The following GPR158 variants were observed in gnomAD, a reference collection of about 807,000 sequenced individuals.
GPR158 encodes the protein metabotropic glycine receptor.
A neutral mutation model predicts 78.2 loss-of-function variants in GPR158; 30 were observed. That is an observed-to-expected ratio of 0.38 (90% CI 0.29 to 0.52). The LOEUF is 0.52. Among genes scored for constraint, GPR158 ranks in the 20% least tolerant of loss-of-function variants. GPR158 has a pLI of 0.83. For synonymous variants in GPR158, 581 were observed against 591.1 expected (o/e 0.98, Z 0.25); for missense variants, 1,463 against 1,523.5 (o/e 0.96, Z 0.66).
chr10:25,280,822 A>G (rs1474603182), intron 2 of GPR158, among the ~76,000 whole-genome samples: 2 of 152,132 alleles, frequency 1.3e-5, no homozygotes, highest in Admixed American at 1.3e-4. Context: ...TACTGACCAC[A>G]TGCTGTGCCT....
rs557604183 is a variant in GPR158 at position 25,523,894 on chromosome 10, T to C, written c.1405-27082T>C. On this transcript the variant is annotated intron_variant, in intron 5 of 10. Transcript: ENST00000376351. ...TTAGAAAGGAAGAAGTAAAACTGTC[T>C]CTATTTGCAGATGAAACGATCTTAT... is the stretch of plus-strand genomic sequence containing the variant. Among the ~76,000 whole-genome samples the C allele has an allele frequency of 1.2e-4, 18 of 152,240 alleles. 1 individual carries two copies. In the South Asian group the frequency reaches 3.7e-3, roughly 32 times the overall value.
intron 7 of GPR158, among the ~76,000 whole-genome samples, chr10:25,576,381 T>G (rs950813097): frequency 6.6e-6 from 1 of 152,148 alleles, no homozygotes; most frequent in African/African-American, 2.4e-5. Flanking sequence ...CTACAATAGC[T>G]CTTTAGTAAC....
intron 4 of GPR158, among the ~76,000 whole-genome samples, chr10:25,426,116 C>A (rs1285709757): frequency 1.3e-5 from 2 of 152,242 alleles, no homozygotes; most frequent in South Asian, 2.1e-4. Context: ...CATGGAATCT[C>A]TCTAGATGAG....
rs557080895 is a variant in GPR158 at position 25,559,283 on chromosome 10, G to A, written c.1514+8198G>A. Among the ~76,000 whole-genome samples the A allele has an allele frequency of 2.0e-5, 3 of 152,150 alleles. No individual in the cohort carries two copies. The South Asian group carries it at 6.2e-4, about 32-fold the overall frequency. ...AGCCACTCCAGTTTCCTTTTGATTG[G>A]TGTTAGCATGGTATTTTTTTCCATT... On this transcript the variant is annotated intron_variant, in intron 6 of 10. Transcript: ENST00000376351.
intron 1 of GPR158, among the ~76,000 whole-genome samples, chr10:25,179,892 C>CT (rs1852592340): frequency 6.6e-6 from 1 of 152,038 alleles, no homozygotes; most frequent in African/African-American, 2.4e-5. Context: ...AAGCATTTTC[C>CT]TTAAAACTAG....
intron 3 of GPR158, among the ~76,000 whole-genome samples, chr10:25,396,913 G>A (rs1428082287): frequency 1.3e-5 from 2 of 152,140 alleles, no homozygotes; most frequent in East Asian, 1.9e-4. Context: ...TAGGCCTGAG[G>A]CCCTTATTTT....
chr10:25,274,526 T>C (rs913723664), intron 2 of GPR158, among the ~76,000 whole-genome samples: 3 of 152,190 alleles, frequency 2.0e-5, no homozygotes, highest in Non-Finnish European at 2.9e-5. Context: ...TAATCCTCAG[T>C]GCTAAATACA....
At chr10:25,515,992 T>C (rs1452764918) in intron 5 of GPR158, among the ~76,000 whole-genome samples, 20 of 150,512 alleles carry the variant, frequency 1.3e-4, no homozygotes, top group African/African-American at 4.6e-4. Flanking sequence ...ACCAACAGTG[T>C]AAAAGTGTTC....
intron 7 of GPR158, among the ~76,000 whole-genome samples, chr10:25,584,161 A>G (rs35387923): frequency 0.07 from 10,656 of 152,260 alleles, 426 homozygotes; most frequent in Admixed American, 0.092. Flanking sequence ...TTTTGTAACT[A>G]TACTCATGCC....
intron 2 of GPR158, among the ~76,000 whole-genome samples, chr10:25,324,650 G>A (rs1855001922): frequency 6.6e-6 from 1 of 151,996 alleles, no homozygotes; most frequent in African/African-American, 2.4e-5. Flanking sequence ...CCATAGACTC[G>A]CTCAATGCAT....
chr10:25,583,139 C>A (rs911975012), intron 7 of GPR158, among the ~76,000 whole-genome samples: 2 of 152,150 alleles, frequency 1.3e-5, no homozygotes, highest in African/African-American at 4.8e-5. Flanking sequence ...GGGCTCTGTG[C>A]TTCCAGAGAG....
chr10:25,297,065 C>T (rs1854525447), intron 2 of GPR158, among the ~76,000 whole-genome samples: 1 of 152,178 alleles, frequency 6.6e-6, no homozygotes, highest in Admixed American at 6.5e-5. Flanking sequence ...GGCACTCTGC[C>T]ACTCTAGCCA....
At chr10:25,430,198 G>A (rs1834881117) in intron 4 of GPR158, among the ~76,000 whole-genome samples, 1 of 152,108 alleles carries the variant, frequency 6.6e-6, no homozygotes, top group Admixed American at 6.5e-5. Context: ...AAAATCACAA[G>A]CATTCTTATA....
intron 2 of GPR158, among the ~76,000 whole-genome samples, chr10:25,335,794 A>G (rs1281954015): frequency 6.6e-6 from 1 of 152,080 alleles, no homozygotes; most frequent in East Asian, 1.9e-4. Context: ...TATGCACCAT[A>G]TTATATTAGG....
At chr10:25,373,794 C>T (rs147468091) in intron 2 of GPR158, among the ~76,000 whole-genome samples, 3 of 151,890 alleles carry the variant, frequency 2.0e-5, no homozygotes, top group African/African-American at 7.2e-5. Flanking sequence ...AGGGAACATA[C>T]TCTCTATTGT....
At chr10:25,499,741 C>G (rs1835929872) in intron 5 of GPR158, among the ~76,000 whole-genome samples, 1 of 152,200 alleles carries the variant, frequency 6.6e-6, no homozygotes, top group African/African-American at 2.4e-5. Flanking sequence ...AGGGACCACT[C>G]TTGTGCACAC....
At chr10:25,307,030 G>C (rs1854687692) in intron 2 of GPR158, among the ~76,000 whole-genome samples, 1 of 151,622 alleles carries the variant, frequency 6.6e-6, no homozygotes, top group African/African-American at 2.4e-5. Flanking sequence ...GAGAGAGAGA[G>C]AGAGAGAGAG....
chr10:25,550,438 G>T (rs1447277261), intron 5 of GPR158, among the ~76,000 whole-genome samples: 1 of 152,118 alleles, frequency 6.6e-6, no homozygotes, highest in African/African-American at 2.4e-5. Context: ...GGCTGTTTCA[G>T]ACGGGGGAAA....
chr10:25,294,056 C>A (rs1452328653), intron 2 of GPR158, among the ~76,000 whole-genome samples: 1 of 152,092 alleles, frequency 6.6e-6, no homozygotes, highest in Non-Finnish European at 1.5e-5. Context: ...AACCTGTAAT[C>A]TTATATTTTA....
Sources: allele counts gnomAD v4.1 joint callset (sites outside exome capture counted in the v4.1 genomes callset), GRCh38; gene constraint gnomAD v4.1.1; transcripts MANE v1.5; gene names NCBI Gene and HGNC (gene_info 2026-07-23, HGNC 2026-07-21).